DNAH6: variants seen among roughly 807,000 people sequenced by gnomAD.
The protein encoded by DNAH6 is axonemal beta dynein heavy chain 6.
Under a neutral mutation model 491.4 loss-of-function variants are expected in DNAH6, and 340 were observed. The ratio of observed to expected loss-of-function variants is 0.69; its 90% CI spans 0.63 to 0.76. The LOEUF is 0.76. DNAH6 is among the 30% of genes least tolerant of loss of function. The pLI, the probability that DNAH6 is intolerant of heterozygous loss-of-function variation, is 0.00. For synonymous variants in DNAH6, 1,603 were observed against 1,686.1 expected (o/e 0.95, Z 1.21); for missense variants, 4,443 against 4,972.2 (o/e 0.89, Z 3.20).
At chr2:84,800,113 C>T (rs1007696) in intron 70 of DNAH6, among the ~76,000 whole-genome samples, 34,209 of 152,074 alleles carry the variant, frequency 0.22, 4,595 homozygotes, top group African/African-American at 0.39. Flanking sequence ...CTGTCAAACA[C>T]ACTGCACAAA....
intron 11 of DNAH6, among the ~76,000 whole-genome samples, chr2:84,572,750 T>G (rs538348889): frequency 1.8e-4 from 27 of 152,336 alleles, no homozygotes; most frequent in African/African-American, 6.3e-4. Flanking sequence ...TTTACAAGTC[T>G]TAGTAGAAAA....
Position 84,516,519 on chromosome 2 carries a change from T to C in DNAH6, c.-73T>C, listed in dbSNP as rs1026830160. 1 of 152,220 alleles carries C rather than the reference T, an allele frequency of 6.6e-6. No homozygotes were observed. The highest frequency in any genetic ancestry group is 2.4e-5 in the African/African-American group (1 of 41,442). 9.4% of individuals were successfully genotyped at this position (152,220 alleles called of 1,614,324 possible). A position where few individuals can be genotyped will look rare whatever the true frequency, so the allele number is the denominator to read the frequency against. On this transcript the variant is annotated 5_prime_UTR_variant, in exon 1 of 77. Transcript: ENST00000389394. ...AAACATTCCGCGCTACCGAGTACTT[T>C]CTACTCCCGACCAGGCATTGCTCTC...
chr2:84,578,557 G>GCTTCATCCTGCACATC (rs1682702698), intron 13 of DNAH6, among the ~76,000 whole-genome samples: 2 of 152,130 alleles, frequency 1.3e-5, no homozygotes, highest in Non-Finnish European at 2.9e-5. Flanking sequence ...TTATGTGCAG[G>GCTTCATCCTGCACATC]CTTCATCCTA....
At chr2:84,595,876 T>C in intron 18 of DNAH6, 87 bp downstream of exon 18, 1 of 1,326,030 alleles carries the variant, frequency 7.5e-7, no homozygotes, top group Non-Finnish European at 9.9e-7. Context: ...AATTTTTCCC[T>C]GATTAAGTTA....
chr2:84,697,170 A>C (rs181613950), intron 46 of DNAH6, among the ~76,000 whole-genome samples: 1 of 152,232 alleles, frequency 6.6e-6, no homozygotes, highest in Non-Finnish European at 1.5e-5. Flanking sequence ...AATTGTTCTT[A>C]TAATGTAAAC....
rs1559041737 is a variant in DNAH6, at chr2:84,787,523, T to TAAG, written c.11239+223_11239+224insGAA. Among the ~76,000 whole-genome samples, 41 of 152,194 alleles carry TAAG rather than the reference T, an allele frequency of 2.7e-4. 1 individual carries two copies. The highest frequency in any genetic ancestry group is 9.2e-4 in the African/African-American group (38 of 41,500). On this transcript the variant is annotated intron_variant, in intron 68 of 76. Coordinates refer to ENST00000389394, the MANE Select transcript of DNAH6 (RefSeq NM_001370.2). Reference sequence around the variant, plus strand: ...AATGGGACAGCTGCTTTCTCAATAATAATAATAATAGGAAAAATAGTGCTT... The same window carrying TAAG: ...AATGGGACAGCTGCTTTCTCAATAATAAGAATAATAATAGGAAAAATAGTGCTT...
At chr2:84,479,190 C>T in the DNAH6 span, among the ~76,000 whole-genome samples, 5 of 152,178 alleles carry the variant, frequency 3.3e-5, no homozygotes, top group African/African-American at 7.2e-5. Flanking sequence ...GGCACAGGAT[C>T]GGGTTCAGGG....
At chr2:84,460,936 A>C in the DNAH6 span, among the ~76,000 whole-genome samples, 13 of 152,328 alleles carry the variant, frequency 8.5e-5, no homozygotes, top group South Asian at 6.2e-4. Flanking sequence ...ATGACAAATT[A>C]ATGAAGAAAT....
intron 41 of DNAH6, among the ~76,000 whole-genome samples, chr2:84,678,687 A>G (rs1693491162): frequency 6.6e-6 from 1 of 152,132 alleles, no homozygotes; most frequent in African/African-American, 2.4e-5. Context: ...GTCCATGGAA[A>G]TGTGTCACCC....
chr2:84,642,247 G>GT (rs533545813), intron 33 of DNAH6, among the ~76,000 whole-genome samples, 193 bp downstream of exon 33: 1 of 152,024 alleles, frequency 6.6e-6, no homozygotes, highest in Non-Finnish European at 1.5e-5. Flanking sequence ...AATCATTTGT[G>GT]TTTTTTTATC....
At chr2:84,795,391 C>G (rs1192399) in intron 68 of DNAH6, among the ~76,000 whole-genome samples, 37,934 of 151,902 alleles carry the variant, frequency 0.25, 5,316 homozygotes, top group African/African-American at 0.4. Flanking sequence ...TGTACATGCT[C>G]TGTAAATATT....
At chr2:84,555,690 T>C (rs1050676522) in intron 10 of DNAH6, among the ~76,000 whole-genome samples, 5 of 152,194 alleles carry the variant, frequency 3.3e-5, no homozygotes, top group African/African-American at 9.6e-5. Context: ...CCAATATGAA[T>C]TGAACTTATC....
chr2:84,491,081 A>C, the DNAH6 span, among the ~76,000 whole-genome samples: 1 of 152,222 alleles, frequency 6.6e-6, no homozygotes, highest in South Asian at 2.1e-4. Context: ...AAACATCTGC[A>C]ATACAGGTTT....
At chr2:84,632,944 A>G (rs1688537956) in intron 29 of DNAH6, among the ~76,000 whole-genome samples, 1 of 152,012 alleles carries the variant, frequency 6.6e-6, no homozygotes, top group Non-Finnish European at 1.5e-5. Context: ...TTGAATCTTC[A>G]CCTATTGGTT....
rs3062234 is a variant in DNAH6, at chr2:84,786,101, A to AGAATGAATGAAT, written c.11100+374_11100+385dup. Among the ~76,000 whole-genome samples, 978 of 150,360 alleles carry AGAATGAATGAAT rather than the reference A, an allele frequency of 6.5e-3. 4 individuals carry two copies. Among genetic ancestry groups the AGAATGAATGAAT allele is most frequent in the Middle Eastern group, 0.017 (5 of 288 alleles). On this transcript the variant is annotated intron_variant, in intron 67 of 76. Transcript: ENST00000389394. Reference sequence around the variant, plus strand: ...ACGTGTGTGGTCTACAGAGAAAGAAAGAATGAATGAATGAATGAATGAATG... The same window carrying AGAATGAATGAAT: ...ACGTGTGTGGTCTACAGAGAAAGAAAGAATGAATGAATGAATGAATGAATGAATGAATGAATG...
intron 34 of DNAH6, 143 bp from the exon 35 acceptor site, chr2:84,654,517 C>A: frequency 9.6e-7 from 1 of 1,046,248 alleles, no homozygotes; most frequent in Non-Finnish European, 1.3e-6. Context: ...TTACTTATTG[C>A]TCTCCCACTC....
intron 64 of DNAH6, among the ~76,000 whole-genome samples, chr2:84,772,684 A>G (rs1675747651): frequency 6.6e-6 from 1 of 152,146 alleles, no homozygotes; most frequent in Non-Finnish European, 1.5e-5. Context: ...GAGATAGTTC[A>G]ATGAAAACAG....
chr2:84,688,719 C>T (rs1450896142), intron 45 of DNAH6, 126 bp downstream of exon 45: 4 of 692,868 alleles, frequency 5.8e-6, no homozygotes, highest in South Asian at 2.2e-5. Flanking sequence ...TATTAACTCT[C>T]ACCATAACTT....
intron 15 of DNAH6, chr2:84,584,717 C>G (rs2104050260): frequency 6.4e-6 from 1 of 155,102 alleles, no homozygotes; most frequent in Non-Finnish European, 1.4e-5. Flanking sequence ...CTTGCTAGCA[C>G]ATTTTACAGC....
Sources: allele counts gnomAD v4.1 joint callset (sites outside exome capture counted in the v4.1 genomes callset), GRCh38; gene constraint gnomAD v4.1.1; transcripts MANE v1.5; gene names NCBI Gene and HGNC (gene_info 2026-07-23, HGNC 2026-07-21).